The following PTCH1 variants were observed in gnomAD, a reference collection of about 807,000 sequenced individuals.
PTCH1 encodes patched 1.
A neutral mutation model predicts 144.6 loss-of-function variants in PTCH1; 14 were observed. The ratio of observed to expected loss-of-function variants is 0.10; its 90% CI spans 0.06 to 0.15. The LOEUF (loss-of-function observed/expected upper bound fraction) is 0.15, where lower values mean the gene tolerates loss of function less well. Ranked by LOEUF, PTCH1 falls within the 10% of genes least tolerant of loss-of-function variation. The pLI is 1.00. For missense variants in PTCH1, 1,623 were observed against 1,948.3 expected (o/e 0.83, Z 3.14); for synonymous variants, 833 against 793.6 (o/e 1.05, Z -0.83).
At position 95,443,013 on chromosome 9, in the gene PTCH1, C is replaced by T. The variant is rs1837605584; in HGVS notation, c.*3380G>A. The T allele has an allele frequency of 1.3e-5, 2 of 152,166 alleles. No homozygotes were observed. Among genetic ancestry groups the T allele is most frequent in the Admixed American group, 6.5e-5 (1 of 15,268 alleles). The allele number at this position is 152,166 out of a possible 1,614,324, so 9.4% of individuals were successfully genotyped here. ...GAATTTGGCTTTATTTATGTTCCCT[C>T]ATTATTAGGCATCACATAAGGGAAA... On this transcript the variant is annotated 3_prime_UTR_variant, in exon 24 of 24. Transcript: ENST00000331920.
At chr9:95,482,480 T>C in intron 3 of PTCH1, 2 of 489,300 alleles carry the variant, frequency 4.1e-6, no homozygotes, top group South Asian at 4.3e-5. Flanking sequence ...AATAATCTTG[T>C]TTACACCATT....
intron 3 of PTCH1, 118 bp from the exon 4 acceptor site, chr9:95,482,321 C>G (rs1841609474): frequency 9.8e-7 from 1 of 1,017,252 alleles, no homozygotes; most frequent in Non-Finnish European, 1.5e-6. Flanking sequence ...AAGCATCTGT[C>G]AAAACGAGCA....
chr9:95,455,292 C>T (rs887272591), intron 19 of PTCH1, among the ~76,000 whole-genome samples: 1 of 152,234 alleles, frequency 6.6e-6, no homozygotes, highest in East Asian at 1.9e-4. Flanking sequence ...CACAAGGCTG[C>T]AGCCTATGTG....
At chr9:95,507,794 G>A (rs553225388) in intron 1 of PTCH1, 3 of 408,198 alleles carry the variant, frequency 7.3e-6, no homozygotes, top group South Asian at 5.5e-5. Flanking sequence ...GGAGGAAGAA[G>A]TTCAGGGCAG....
At chr9:95,479,893 G>A (rs1321646168) in intron 7 of PTCH1, 76 bp downstream of exon 7, 11 of 1,602,400 alleles carry the variant, frequency 6.9e-6, no homozygotes, top group South Asian at 1.1e-5. Context: ...TACACTTGCC[G>A]ATGTCAGGAG....
In PTCH1 at chr9:95,480,440, G is replaced by A. The variant is rs745669231; in HGVS notation, c.895C>T (p.Pro299Ser). The change falls in exon 6 of 24, where the codon CCG becomes TCG. Residue 299 changes from proline to serine, a missense_variant. Physicochemically the swap from Pro to Ser is moderately conservative, Grantham distance 74 (BLOSUM62 -1). This residue lies in a region of PTCH1 where 230 missense variants were observed against 271.0 expected (regional missense o/e 0.85). Transcript: ENST00000331920. ...HGYMDRPCLN[P>S]ADPDCPATAP... ...GTGGCGGGGCAGTCTGGATCGGCCG[G>A]ATTGAGGCAGGGGCGGTCCATGTAA... 10 of 1,611,632 alleles carry A rather than the reference G, an allele frequency of 6.2e-6. No individual in the cohort carries two copies. The South Asian group carries it at 6.6e-5, about 11-fold the overall frequency.
At chr9:95,484,038 A>C (rs1401232289) in intron 3 of PTCH1, 1 of 152,244 alleles carries the variant, frequency 6.6e-6, no homozygotes, top group Non-Finnish European at 1.5e-5. Flanking sequence ...GTTGAACTAC[A>C]TGTTCTTAAA....
intron 2 of PTCH1, among the ~76,000 whole-genome samples, chr9:95,490,106 T>G (rs994047740): frequency 1.3e-5 from 2 of 151,376 alleles, no homozygotes; most frequent in African/African-American, 2.4e-5. Flanking sequence ...CTGGCCGGAC[T>G]ATGGATAATA....
In PTCH1 at chr9:95,460,551, A is replaced by G. The variant is rs1304442770; in HGVS notation, c.2704-768T>C. Among the ~76,000 whole-genome samples, 3 of 152,192 alleles carry G rather than the reference A, an allele frequency of 2.0e-5. No homozygotes were observed. In the East Asian group the frequency reaches 5.8e-4, roughly 29 times the overall value. On this transcript the variant is annotated intron_variant, in intron 16 of 23. Transcript: ENST00000331920. ...TCGCTTTGGGTCTTTTTTAAACAAA[A>G]TGAAAAACACCAGTGACAGCGGCTC...
chr9:95,455,500 A>G (rs1192638303), intron 19 of PTCH1, among the ~76,000 whole-genome samples: 2 of 152,268 alleles, frequency 1.3e-5, no homozygotes, highest in Admixed American at 6.5e-5. Flanking sequence ...TAATCTGCAG[A>G]CAGAACATAA....
chr9:95,477,803 A>T (rs1371790868), intron 9 of PTCH1, 101 bp from the exon 10 acceptor site: 1 of 1,523,090 alleles, frequency 6.6e-7, no homozygotes, highest in Non-Finnish European at 8.9e-7. Context: ...CAAAAGGCAG[A>T]ACTTATCCAA....
chr9:95,489,824 G>T (rs1159265613), intron 2 of PTCH1, among the ~76,000 whole-genome samples: 1 of 134,892 alleles, frequency 7.4e-6, no homozygotes, highest in Admixed American at 7.3e-5. Flanking sequence ...TTTTTGTGAC[G>T]GAGTCTTGCT....
chr9:95,467,457 AG>A, intron 14 of PTCH1, 32 bp from the exon 15 acceptor site: 1 of 1,605,498 alleles, frequency 6.2e-7, no homozygotes, highest in Non-Finnish European at 8.5e-7. Context: ...GTCAGACCCC[AG>A]GGAGCACCAC....
At chr9:95,469,736 A>T (rs1026774359) in intron 13 of PTCH1, 77 bp downstream of exon 13, 1 of 1,350,792 alleles carries the variant, frequency 7.4e-7, no homozygotes, top group East Asian at 2.3e-5. Context: ...TTCCTTTATA[A>T]GTCCACAGGC....
intron 1 of PTCH1, among the ~76,000 whole-genome samples, chr9:95,515,016 A>G (rs575275138): frequency 6.6e-6 from 1 of 152,272 alleles, no homozygotes; most frequent in South Asian, 2.1e-4. Flanking sequence ...ACACACATAA[A>G]CTCACAATCG....
At chr9:95,481,839 G>T in intron 5 of PTCH1, 110 bp downstream of exon 5, 2 of 1,041,902 alleles carry the variant, frequency 1.9e-6, no homozygotes, top group Non-Finnish European at 2.9e-6. Flanking sequence ...GAATTTCAAT[G>T]TTTTTATTTC....
In PTCH1 at chr9:95,443,202, T is replaced by C. The variant is rs1837618284; in HGVS notation, c.*3191A>G. The stretch of plus-strand genomic sequence containing the variant: ...CACACTAAAAGCTCAGCCCCCACTT[T>C]GTAATACATCCATGTAACAGAGCTA... On this transcript the variant is annotated 3_prime_UTR_variant, in exon 24 of 24. Transcript: ENST00000331920. The C allele has an allele frequency of 6.6e-6, 1 of 152,218 alleles. No individual in the cohort carries two copies. The highest frequency in any genetic ancestry group is 2.1e-4 in the South Asian group (1 of 4,832). The allele number at this position is 152,218 out of a possible 1,614,324, so 9.4% of individuals were successfully genotyped here.
At position 95,506,505 on chromosome 9, in the gene PTCH1, C is replaced by A. The variant is rs753884837; in HGVS notation, c.296G>T (p.Gly99Val). 4 of 1,613,780 alleles carry A rather than the reference C, an allele frequency of 2.5e-6. No individual in the cohort carries two copies. The highest frequency in any genetic ancestry group is 3.4e-6 in the Non-Finnish European group (4 of 1,179,814). ...KLGCYIQKNC[G>V]KFLVVGLLIF... The stretch of plus-strand genomic sequence containing the variant: ...GAGGAGGCCCACAACCAAGAACTTG[C>A]CGCAGTTTTTTTGAATGTAACAACC... The change falls in exon 2 of 24, where the codon GGC (glycine) becomes GTC (valine). Residue 99 changes from glycine to valine, a missense_variant. This residue lies in a region of PTCH1 where 245 missense variants were observed against 240.6 expected (regional missense o/e 1.02). Transcript: ENST00000331920.
intron 15 of PTCH1, among the ~76,000 whole-genome samples, chr9:95,465,770 CA>C (rs1182668267): frequency 6.6e-6 from 1 of 152,168 alleles, no homozygotes. Context: ...GAAATTAAGA[CA>C]ATCATTTGGA....
Sources: gnomAD v4.1 joint callset for allele counts (sites outside exome capture counted in the v4.1 genomes callset) on GRCh38, gnomAD v4.1.1 for gene constraint, gnomAD v4.1.1 regional missense constraint, MANE v1.5 for transcripts, NCBI Gene and HGNC (gene_info 2026-07-23, HGNC 2026-07-21) for gene names.